Variants in SNX27 observed in about 807,000 individuals in gnomAD.
SNX27 encodes sorting nexin 27, also known as sorting nexin-27.
In SNX27, 22 loss-of-function variants were observed where a neutral mutation model predicts 71.6. The ratio of observed to expected loss-of-function variants is 0.31; its 90% CI spans 0.22 to 0.44. The LOEUF is 0.44. SNX27 is among the 20% of genes least tolerant of loss of function. The pLI, the probability that SNX27 is intolerant of heterozygous loss-of-function variation, is 1.00. For missense variants in SNX27, 531 were observed against 698.6 expected (o/e 0.76, Z 2.70); for synonymous variants, 269 against 277.2 (o/e 0.97, Z 0.29).
intron 7 of SNX27, among the ~76,000 whole-genome samples, chr1:151,682,266 C>T (rs551193258): frequency 6.6e-6 from 1 of 152,304 alleles, no homozygotes; most frequent in African/African-American, 2.4e-5. Flanking sequence ...TTTCACACTG[C>T]TATAAAGACA....
At position 151,693,836 on chromosome 1, in the gene SNX27, G is replaced by A. The variant is rs1386353361; in HGVS notation, c.1578+353G>A. ...GGGGAAGCTGTCCTCAGTTGTAGCCGTCTTGACTGGATGAGTCCTGGCAGT... is the reference window on the plus strand; with the variant it reads ...GGGGAAGCTGTCCTCAGTTGTAGCCATCTTGACTGGATGAGTCCTGGCAGT... On this transcript the variant is annotated intron_variant, in intron 11 of 11. Transcript: ENST00000458013. 1.3e-5 allele frequency: 19 copies of A among 1,434,528 alleles called. No homozygotes were observed. In the East Asian group the frequency reaches 1.7e-4, roughly 13 times the overall value. The allele number at this position is 1,434,528 out of a possible 1,614,324, so 88.9% of individuals were successfully genotyped here.
intron 5 of SNX27, among the ~76,000 whole-genome samples, chr1:151,664,209 T>TATC (rs1670094546): frequency 6.4e-4 from 1 of 1,570 alleles, no homozygotes; most frequent in African/African-American, 2.0e-3. Context: ...AAATAATATA[T>TATC]ATTTAATATA....
At chr1:151,687,945 CAA>C (rs10580377) in intron 8 of SNX27, among the ~76,000 whole-genome samples, 54,535 of 110,924 alleles carry the variant, frequency 0.49, 11,063 homozygotes, top group East Asian at 0.66. Context: ...GAGTCTGTCT[CAA>C]AAAAAAAAAA....
intron 5 of SNX27, among the ~76,000 whole-genome samples, chr1:151,665,062 G>C (rs187308945): frequency 1.6e-4 from 25 of 152,174 alleles, no homozygotes; most frequent in African/African-American, 5.8e-4. Context: ...AATCACATTT[G>C]GCTTACTGAG....
chr1:151,634,873 T>G (rs947568864), intron 1 of SNX27, among the ~76,000 whole-genome samples: 6 of 152,318 alleles, frequency 3.9e-5, no homozygotes, highest in Admixed American at 2.6e-4. Flanking sequence ...CGCATATGTG[T>G]TAGACATTTT....
rs1667785918 is a variant in SNX27, at chr1:151,623,782, T to C, written c.311+11270T>C. Among the ~76,000 whole-genome samples, 7 of 152,162 alleles carry C rather than the reference T, an allele frequency of 4.6e-5. No individual in the cohort carries two copies. In the South Asian group the frequency reaches 1.5e-3, roughly 32 times the overall value. On this transcript the variant is annotated intron_variant, in intron 1 of 11. Transcript: ENST00000458013. ...TCTACTCTATGATAGGCTAGAACTATAGGGTTGCTCTATATTGATCAGGTT... is the reference window on the plus strand; with the variant it reads ...TCTACTCTATGATAGGCTAGAACTACAGGGTTGCTCTATATTGATCAGGTT...
intron 1 of SNX27, chr1:151,614,285 A>T (rs1196677775): frequency 6.6e-6 from 1 of 151,958 alleles, no homozygotes; most frequent in Non-Finnish European, 1.5e-5. Flanking sequence ...TTAATGTCCT[A>T]CATACTGTTT....
intron 7 of SNX27, chr1:151,679,439 T>G (rs1571863340): frequency 6.6e-6 from 1 of 152,228 alleles, no homozygotes; most frequent in African/African-American, 2.4e-5. Flanking sequence ...TACACACATT[T>G]AAGCTGCTGT....
At chr1:151,627,674 C>T (rs578146980) in intron 1 of SNX27, among the ~76,000 whole-genome samples, 7 of 152,114 alleles carry the variant, frequency 4.6e-5, no homozygotes, top group South Asian at 2.1e-4. Context: ...ACAGTCCACC[C>T]GCTTTGGCTT....
chr1:151,614,183 A>C (rs550861603), intron 1 of SNX27: 4 of 151,982 alleles, frequency 2.6e-5, no homozygotes, highest in Non-Finnish European at 5.9e-5. Flanking sequence ...GATTGAAAAA[A>C]AAAAAAAGAA....
intron 2 of SNX27, among the ~76,000 whole-genome samples, chr1:151,646,842 C>T (rs1180962975): frequency 3.3e-5 from 5 of 150,886 alleles, no homozygotes; most frequent in Non-Finnish European, 5.9e-5. Flanking sequence ...TGTGTGTGTG[C>T]GTGTGTCAAG....
chr1:151,614,330 T>C (rs1667334373), intron 1 of SNX27: 1 of 151,772 alleles, frequency 6.6e-6, no homozygotes, highest in Non-Finnish European at 1.5e-5. Context: ...CAATATATTC[T>C]TTTTTTTTCC....
intron 8 of SNX27, among the ~76,000 whole-genome samples, chr1:151,687,674 C>T (rs1671240125): frequency 1.3e-5 from 2 of 152,132 alleles, no homozygotes; most frequent in African/African-American, 2.4e-5. Flanking sequence ...GTCGGCCTGG[C>T]GCGGTGGCTC....
At chr1:151,614,161 C>A (rs1667322377) in intron 1 of SNX27, 1 of 150,894 alleles carries the variant, frequency 6.6e-6, no homozygotes, top group African/African-American at 2.4e-5. Flanking sequence ...TTGGTTTTAA[C>A]CTGGGAGAGT....
chr1:151,614,917 A>G (rs1320615444), intron 1 of SNX27, among the ~76,000 whole-genome samples: 1 of 152,188 alleles, frequency 6.6e-6, no homozygotes, highest in Non-Finnish European at 1.5e-5. Context: ...CCCAACATAC[A>G]TAGTTAGTGG....
chr1:151,625,285 C>T (rs1439407562), intron 1 of SNX27, among the ~76,000 whole-genome samples: 1 of 152,086 alleles, frequency 6.6e-6, no homozygotes, highest in African/African-American at 2.4e-5. Flanking sequence ...AGCGGCAGAT[C>T]ACTTGAGGTC....
chr1:151,692,188 C>T (rs529391604), intron 8 of SNX27, among the ~76,000 whole-genome samples: 4 of 152,138 alleles, frequency 2.6e-5, no homozygotes, highest in African/African-American at 9.6e-5. Flanking sequence ...CATGCTACTG[C>T]ACTCCAGCCT....
intron 2 of SNX27, among the ~76,000 whole-genome samples, chr1:151,655,626 C>T (rs1416841590): frequency 6.6e-6 from 1 of 152,170 alleles, no homozygotes; most frequent in Admixed American, 6.5e-5. Context: ...TGTTAGGGAT[C>T]ATCTTGTTTG....
At chr1:151,650,244 T>C (rs1168751508) in intron 2 of SNX27, among the ~76,000 whole-genome samples, 1 of 152,070 alleles carries the variant, frequency 6.6e-6, no homozygotes, top group East Asian at 1.9e-4. Flanking sequence ...CCCAGGCTAT[T>C]CTCACACTCT....
Sources: allele counts gnomAD v4.1 joint callset (sites outside exome capture counted in the v4.1 genomes callset), GRCh38; gene constraint gnomAD v4.1.1; transcripts MANE v1.5; gene names NCBI Gene and HGNC (gene_info 2026-07-23, HGNC 2026-07-21).